DAB1: variants seen among roughly 807,000 people sequenced by gnomAD.
DAB1 encodes DAB adaptor protein 1.
DAB1 carries 15 observed loss-of-function variants against 64.6 expected under a neutral mutation model. The ratio of observed to expected loss-of-function variants is 0.23; its 90% CI spans 0.16 to 0.36. The LOEUF (loss-of-function observed/expected upper bound fraction) is 0.36. Among genes scored for constraint, DAB1 ranks in the 10% least tolerant of loss-of-function variants. The pLI is 1.00. For synonymous variants in DAB1, 235 were observed against 251.9 expected, an observed-to-expected ratio of 0.93 and a Z score of 0.64; for missense variants, 596 against 706.7, an observed-to-expected ratio of 0.84 and a Z score of 1.78.
chr1:58,508,877 T>C (rs1359273323), intron 2 of DAB1, among the ~76,000 whole-genome samples: 2 of 150,712 alleles, frequency 1.3e-5, no homozygotes, highest in African/African-American at 4.9e-5. Flanking sequence ...TGTCCAACAT[T>C]CTAACATTTC....
chr1:57,214,938 A>G (rs529916712), intron 2 of DAB1, among the ~76,000 whole-genome samples: 114 of 151,482 alleles, frequency 7.5e-4, no homozygotes, highest in African/African-American at 2.7e-3. Flanking sequence ...AAAGAAAGAA[A>G]AAAGGCAAGA....
intron 4 of DAB1, among the ~76,000 whole-genome samples, chr1:57,085,541 C>T (rs1050961817): frequency 3.3e-5 from 5 of 152,222 alleles, no homozygotes; most frequent in Admixed American, 1.3e-4. Context: ...AAAGCACTGG[C>T]AAGGCCCTTG....
intron 7 of DAB1, among the ~76,000 whole-genome samples, chr1:57,440,260 G>A (rs1396994301): frequency 6.6e-6 from 1 of 152,168 alleles, no homozygotes; most frequent in African/African-American, 2.4e-5. Flanking sequence ...ATCCCCCACT[G>A]AGATTGTAAT....
At chr1:57,034,076 C>G (rs963279218) in intron 9 of DAB1, among the ~76,000 whole-genome samples, 4 of 151,980 alleles carry the variant, frequency 2.6e-5, no homozygotes, top group African/African-American at 9.7e-5. Flanking sequence ...GTCAGGAGAT[C>G]GAGACCAGCC....
chr1:57,725,150 T>A (rs941462127), intron 6 of DAB1, among the ~76,000 whole-genome samples: 20 of 152,176 alleles, frequency 1.3e-4, no homozygotes, highest in African/African-American at 4.6e-4. Flanking sequence ...CTAGTTTCCC[T>A]CAACTTGGGA....
Position 57,071,616 on chromosome 1 carries a change from C to A in DAB1, c.464G>T (p.Arg155Ile), listed in dbSNP as rs779357344. 3.7e-6 allele frequency: 6 copies of A among 1,613,626 alleles called. No individual in the cohort carries two copies. Among genetic ancestry groups the A allele is most frequent in the Non-Finnish European group, 5.1e-6 (6 of 1,179,886 alleles). Residue 155 changes from arginine (R) to isoleucine (I), a missense_variant, in exon 6 of 15, where the codon AGA becomes ATA. Around this residue, in one of 3 missense-constraint regions of DAB1, gnomAD observed 176 missense variants for 266.7 expected, o/e 0.66. Coordinates refer to ENST00000371236, the MANE Select transcript of DAB1 (RefSeq NM_001365792.1). ...TTCATAAATGAGTTGAAAGAGATCTCTCAAGTCCAGAATAACAGGTTCAGC... is the reference window on the plus strand; with the variant it reads ...TTCATAAATGAGTTGAAAGAGATCTATCAAGTCCAGAATAACAGGTTCAGC... ...QAAEPVILDL[R>I]DLFQLIYELK... is the part of the protein sequence containing the mutation.
intron 7 of DAB1, among the ~76,000 whole-genome samples, chr1:57,473,726 T>G (rs1643895710): frequency 6.6e-6 from 1 of 152,166 alleles, no homozygotes; most frequent in Non-Finnish European, 1.5e-5. Flanking sequence ...GCTTCAAAAA[T>G]CACCTCTTGC....
At chr1:57,623,473 T>G (rs535828698) in intron 7 of DAB1, among the ~76,000 whole-genome samples, 1 of 152,280 alleles carries the variant, frequency 6.6e-6, no homozygotes, top group Non-Finnish European at 1.5e-5. Context: ...ATGAGCACTG[T>G]GTGGAGCTAC....
At chr1:57,889,474 C>T (rs1033215151) in intron 5 of DAB1, among the ~76,000 whole-genome samples, 4 of 152,226 alleles carry the variant, frequency 2.6e-5, no homozygotes, top group Non-Finnish European at 5.9e-5. Context: ...TCTTTCCATA[C>T]CTGACACTGA....
chr1:57,541,833 G>A (rs1334149557), intron 7 of DAB1, among the ~76,000 whole-genome samples: 1 of 152,176 alleles, frequency 6.6e-6, no homozygotes, highest in Admixed American at 6.5e-5. Context: ...AGCACCAGTA[G>A]TCATTGTTAG....
At chr1:57,189,479 CAG>C (rs931049117) in intron 2 of DAB1, among the ~76,000 whole-genome samples, 6 of 152,228 alleles carry the variant, frequency 3.9e-5, no homozygotes, top group South Asian at 2.1e-4. Context: ...CTTGCTGAGA[CAG>C]AGAGTTATTT....
intron 6 of DAB1, among the ~76,000 whole-genome samples, chr1:57,772,561 A>C (rs1184873869): frequency 6.6e-6 from 1 of 151,956 alleles, no homozygotes; most frequent in Non-Finnish European, 1.5e-5. Flanking sequence ...TCGCTGGGAT[A>C]TAGGGTGACA....
intron 1 of DAB1, among the ~76,000 whole-genome samples, chr1:57,882,692 A>G (rs562474152): frequency 5.9e-5 from 9 of 152,212 alleles, no homozygotes; most frequent in Admixed American, 1.3e-4. Flanking sequence ...ACCTCCCTTC[A>G]CCCCATGAAA....
chr1:57,374,422 A>AAAGC (rs1196134480), intron 1 of DAB1, among the ~76,000 whole-genome samples: 1 of 152,192 alleles, frequency 6.6e-6, no homozygotes, highest in Non-Finnish European at 1.5e-5. Context: ...TTTTGTTTGG[A>AAAGC]AAGCAAGCTT....
At chr1:57,428,785 T>C (rs1261213763), upstream of DAB1, among the ~76,000 whole-genome samples, 1 of 141,936 alleles carries the variant, frequency 7.0e-6, no homozygotes. Flanking sequence ...ACCAACAGCG[T>C]ACAAAGGTTC....
chr1:57,053,667 T>C (rs1649424710), intron 9 of DAB1, among the ~76,000 whole-genome samples: 1 of 87,872 alleles, frequency 1.1e-5, no homozygotes, highest in Non-Finnish European at 2.2e-5. Flanking sequence ...TCTCTATATG[T>C]ATATATATAT....
At chr1:57,761,238 T>C (rs560069438) in intron 6 of DAB1, among the ~76,000 whole-genome samples, 1 of 152,346 alleles carries the variant, frequency 6.6e-6, no homozygotes, top group South Asian at 2.1e-4. Flanking sequence ...CCCTTACTGA[T>C]TTCCTATTTT....
At chr1:58,002,250 C>A (rs1275302134) in intron 5 of DAB1, among the ~76,000 whole-genome samples, 1 of 152,168 alleles carries the variant, frequency 6.6e-6, no homozygotes, top group East Asian at 1.9e-4. Flanking sequence ...GACGGTCCCT[C>A]TGTTTGGTTA....
intron 2 of DAB1, among the ~76,000 whole-genome samples, chr1:57,250,289 C>T (rs1446083815): frequency 6.6e-6 from 1 of 152,116 alleles, no homozygotes; most frequent in Admixed American, 6.6e-5. Context: ...ATGCTGTACG[C>T]CAATCTGTCT....
Sources: allele counts gnomAD v4.1 joint callset (sites outside exome capture counted in the v4.1 genomes callset), GRCh38; gene constraint gnomAD v4.1.1; regional missense constraint gnomAD v4.1.1; transcripts MANE v1.5; gene names NCBI Gene and HGNC (gene_info 2026-07-23, HGNC 2026-07-21).